Variants in GNS observed in about 807,000 individuals in gnomAD.
The protein encoded by GNS is N-acetylglucosamine-6-sulfatase.
A neutral mutation model predicts 69.7 loss-of-function variants in GNS; 40 were observed. That is an observed-to-expected ratio of 0.57 (90% confidence interval 0.45 to 0.75). The LOEUF is 0.75. GNS is among the 30% of genes least tolerant of loss of function. The probability of loss-of-function intolerance (pLI) is 0.00; values close to 1 mark genes in which losing one functional copy is unlikely to be tolerated. For missense variants in GNS, 565 were observed against 685.5 expected (o/e 0.82, Z 1.96); for synonymous variants, 243 against 251.6 (o/e 0.97, Z 0.32).
chr12:64,750,376 A>G (rs1267475394), intron 2 of GNS, among the ~76,000 whole-genome samples: 1 of 151,880 alleles, frequency 6.6e-6, no homozygotes, highest in Non-Finnish European at 1.5e-5. Flanking sequence ...AAGTATTTTT[A>G]GTAGATATAG....
intron 1 of GNS, among the ~76,000 whole-genome samples, chr12:64,753,780 A>G (rs1870155212): frequency 6.6e-6 from 1 of 152,234 alleles, no homozygotes; most frequent in Non-Finnish European, 1.5e-5. Context: ...CTTATCCAAA[A>G]AAAGCTCTGA....
intron 1 of GNS, among the ~76,000 whole-genome samples, chr12:64,754,499 T>C (rs1870184971): frequency 6.6e-6 from 1 of 151,578 alleles, no homozygotes; most frequent in African/African-American, 2.4e-5. Context: ...GAGAAGCCAG[T>C]GTGGTGATGG....
At chr12:64,730,419 T>C (rs569518198) in intron 9 of GNS, among the ~76,000 whole-genome samples, 5 of 37,162 alleles carry the variant, frequency 1.3e-4, no homozygotes, top group Admixed American at 1.1e-3. Flanking sequence ...AAACCAAAAG[T>C]ACAGATATGA....
At chr12:64,720,278 G>T (rs2136236682) in intron 12 of GNS, 96 bp from the exon 13 acceptor site, 1 of 834,380 alleles carries the variant, frequency 1.2e-6, no homozygotes, top group Non-Finnish European at 2.0e-6. Flanking sequence ...GAAGGGAGGA[G>T]GTAGATTAAA....
chr12:64,729,513 C>T (rs115015093), intron 9 of GNS, among the ~76,000 whole-genome samples: 10 of 152,352 alleles, frequency 6.6e-5, no homozygotes, highest in African/African-American at 2.2e-4. Context: ...GAATTATTAG[C>T]TCTTTTTATA....
chr12:64,725,127 C>T (rs1303391193), intron 10 of GNS, among the ~76,000 whole-genome samples: 2 of 152,152 alleles, frequency 1.3e-5, no homozygotes, highest in Non-Finnish European at 2.9e-5. Flanking sequence ...GGGTGAGGCC[C>T]AGGCATTAGT....
At chr12:64,750,293 C>A (rs1870038764) in intron 2 of GNS, among the ~76,000 whole-genome samples, 1 of 152,056 alleles carries the variant, frequency 6.6e-6, no homozygotes, top group Non-Finnish European at 1.5e-5. Context: ...GGTGATCTGT[C>A]CACCTCAGCC....
chr12:64,733,311 A>G (rs1333478495), intron 9 of GNS, among the ~76,000 whole-genome samples: 2 of 150,756 alleles, frequency 1.3e-5, no homozygotes, highest in Non-Finnish European at 3.0e-5. Context: ...AAAAAAAAAA[A>G]AAAAAAAAAA....
At chr12:64,745,868 T>C in intron 3 of GNS, 144 bp from the exon 4 acceptor site, 1 of 683,120 alleles carries the variant, frequency 1.5e-6, no homozygotes, top group East Asian at 2.7e-5. Flanking sequence ...TAGTCAAAAA[T>C]AAACGCTAAT....
chr12:64,736,929 T>C (rs1180465777), intron 9 of GNS, 75 bp downstream of exon 9: 8 of 809,790 alleles, frequency 9.9e-6, no homozygotes, highest in Non-Finnish European at 1.8e-5. Context: ...TAACCAATCT[T>C]ATCTCAGGAG....
In GNS at chr12:64,721,620, T is replaced by C; in HGVS notation, c.1394A>G (p.Gln465Arg). The C allele has an allele frequency of 1.3e-6, 2 of 1,576,022 alleles. No homozygotes were observed. The highest frequency in any genetic ancestry group is 1.7e-6 in the Non-Finnish European group (2 of 1,145,230). The change falls in exon 12 of 14, where the codon CAG becomes CGG. Residue 465 changes from glutamine to arginine, a missense_variant. Gln to Arg is a conservative substitution (Grantham distance 43). Coordinates refer to ENST00000258145, the MANE Select transcript of GNS (RefSeq NM_002076.4). ...VRTMSALWNL[Q>R]YCEFDDQEVF... is the part of the protein sequence containing the mutation. Reference sequence around the variant, plus strand: ...CTCCTGGTCATCAAACTCGCAATACTGCAAATTCCACAATGCTGACATTGT... The same window carrying C: ...CTCCTGGTCATCAAACTCGCAATACCGCAAATTCCACAATGCTGACATTGT...
chr12:64,745,979 T>C (rs1164131025), intron 3 of GNS: 1 of 528,744 alleles, frequency 1.9e-6, no homozygotes, highest in Non-Finnish European at 3.4e-6. Context: ...AATTTAACAA[T>C]TTTAAAATAT....
chr12:64,729,121 C>T, intron 9 of GNS, 64 bp from the exon 10 acceptor site: 1 of 859,414 alleles, frequency 1.2e-6, no homozygotes, highest in Non-Finnish European at 2.0e-6. Flanking sequence ...TCTACCTATA[C>T]TAAAGTTCTC....
intron 2 of GNS, among the ~76,000 whole-genome samples, chr12:64,749,844 AAT>A (rs934693111): frequency 3.3e-5 from 5 of 149,986 alleles, no homozygotes; most frequent in South Asian, 2.1e-4. Context: ...AGTTTATCTT[AAT>A]ATTACATTTT....
intron 7 of GNS, among the ~76,000 whole-genome samples, chr12:64,740,399 A>G (rs1869694475): frequency 6.6e-6 from 1 of 152,244 alleles, no homozygotes; most frequent in Non-Finnish European, 1.5e-5. Context: ...GGGCAGTCTA[A>G]TTAGTACTGG....
At chr12:64,755,453 C>T (rs1870219601) in intron 1 of GNS, among the ~76,000 whole-genome samples, 1 of 151,220 alleles carries the variant, frequency 6.6e-6, no homozygotes, top group Non-Finnish European at 1.5e-5. Flanking sequence ...TGGTGGGTGC[C>T]TGTAAACCCA....
At chr12:64,753,035 G>C in intron 1 of GNS, 1 of 476,080 alleles carries the variant, frequency 2.1e-6, no homozygotes, top group South Asian at 2.4e-5. Context: ...TCAGCGCCCA[G>C]ATAAGGCAGA....
chr12:64,730,434 CAA>C (rs35692874), intron 9 of GNS, among the ~76,000 whole-genome samples: 1,546 of 43,294 alleles, frequency 0.036, 5 homozygotes, highest in Middle Eastern at 0.088. Flanking sequence ...ATATGAAAGG[CAA>C]AAAAAAAAAA....
At chr12:64,737,156 G>C in intron 8 of GNS, 49 bp from the exon 9 acceptor site, 1 of 964,770 alleles carries the variant, frequency 1.0e-6, no homozygotes, top group Non-Finnish European at 1.7e-6. Context: ...CAGGAGCCTT[G>C]CTCATGTTAT....
Sources: allele counts gnomAD v4.1 joint callset (sites outside exome capture counted in the v4.1 genomes callset), GRCh38; gene constraint gnomAD v4.1.1; transcripts MANE v1.5; gene names NCBI Gene and HGNC (gene_info 2026-07-23, HGNC 2026-07-21).